Variants in PTPRD observed in about 807,000 individuals in gnomAD.
PTPRD encodes the protein receptor-type tyrosine-protein phosphatase delta.
Under a neutral mutation model 214.5 loss-of-function variants are expected in PTPRD, and 34 were observed. The observed-to-expected ratio is 0.16, with a 90% CI of 0.12 to 0.21. PTPRD has a LOEUF of 0.21. PTPRD is among the 10% of genes least tolerant of loss of function. The pLI, the probability that PTPRD is intolerant of heterozygous loss-of-function variation, is 1.00. For synonymous variants in PTPRD, 1,128 were observed against 845.7 expected (o/e 1.33, Z -5.79); for missense variants, 2,545 against 2,398.7 (o/e 1.06, Z -1.27).
At chr9:9,200,389 T>G (rs1373219263) in intron 9 of PTPRD, among the ~76,000 whole-genome samples, 3 of 152,224 alleles carry the variant, frequency 2.0e-5, no homozygotes, top group African/African-American at 7.2e-5. Context: ...TCAGGAAAAT[T>G]CTTCTCTCTT....
intron 3 of PTPRD, among the ~76,000 whole-genome samples, chr9:10,267,460 AT>A (rs1291841818): frequency 5.3e-5 from 8 of 152,110 alleles, no homozygotes; most frequent in Non-Finnish European, 1.0e-4. Context: ...TGAATTCATA[AT>A]TTTTTTAATG....
intron 8 of PTPRD, among the ~76,000 whole-genome samples, chr9:9,467,605 A>T (rs902288333): frequency 1.4e-5 from 2 of 148,006 alleles, no homozygotes; most frequent in African/African-American, 4.9e-5. Flanking sequence ...AAAAAAAAAA[A>T]AAAAAGTTGA....
At chr9:10,077,262 C>T (rs2098146596) in intron 3 of PTPRD, among the ~76,000 whole-genome samples, 1 of 152,124 alleles carries the variant, frequency 6.6e-6, no homozygotes, top group South Asian at 2.1e-4. Flanking sequence ...CTAACATCCA[C>T]ATCTAAACAT....
intron 10 of PTPRD, among the ~76,000 whole-genome samples, chr9:9,033,949 C>T (rs978632262): frequency 1.3e-5 from 2 of 152,070 alleles, no homozygotes; most frequent in Non-Finnish European, 1.5e-5. Context: ...GGGGGAAACT[C>T]CATTAATTTT....
At chr9:9,262,863 C>G (rs184812950) in intron 9 of PTPRD, among the ~76,000 whole-genome samples, 15 of 151,644 alleles carry the variant, frequency 9.9e-5, no homozygotes, top group African/African-American at 3.6e-4. Flanking sequence ...GATTAATTTC[C>G]GTTTTCTATG....
chr9:9,583,685 A>T (rs1309434978), intron 7 of PTPRD, among the ~76,000 whole-genome samples: 1 of 152,052 alleles, frequency 6.6e-6, no homozygotes, highest in Non-Finnish European at 1.5e-5. Flanking sequence ...TCCATGTGAA[A>T]GTTCACAAGA....
At chr9:9,571,990 AC>A (rs1563771014) in intron 8 of PTPRD, among the ~76,000 whole-genome samples, 1 of 151,324 alleles carries the variant, frequency 6.6e-6, no homozygotes, top group Non-Finnish European at 1.5e-5. Flanking sequence ...TATCTTAGTA[AC>A]AACAGATAAG....
At chr9:9,533,329 T>G (rs1214810423) in intron 8 of PTPRD, among the ~76,000 whole-genome samples, 1 of 152,120 alleles carries the variant, frequency 6.6e-6, no homozygotes, top group African/African-American at 2.4e-5. Flanking sequence ...GAATTTTTCT[T>G]TTCATTGTCA....
chr9:10,029,590 C>T (rs986278968), intron 4 of PTPRD, among the ~76,000 whole-genome samples: 3 of 152,160 alleles, frequency 2.0e-5, no homozygotes, highest in African/African-American at 7.2e-5. Context: ...TGCATGGGGC[C>T]TGTAGCCCCT....
At chr9:8,965,411 T>G (rs146088790) in intron 11 of PTPRD, among the ~76,000 whole-genome samples, 125 of 152,016 alleles carry the variant, frequency 8.2e-4, no homozygotes, top group African/African-American at 2.7e-3. Flanking sequence ...CTTAGTTTTC[T>G]GCCTCACTGA....
At chr9:8,914,653 T>C (rs2098772033) in intron 11 of PTPRD, among the ~76,000 whole-genome samples, 1 of 152,158 alleles carries the variant, frequency 6.6e-6, no homozygotes, top group South Asian at 2.1e-4. Flanking sequence ...ACAATGTAAC[T>C]AGGAGTTCTA....
At chr9:8,806,825 C>T (rs1440261671) in intron 11 of PTPRD, among the ~76,000 whole-genome samples, 2 of 152,160 alleles carry the variant, frequency 1.3e-5, no homozygotes, top group Non-Finnish European at 2.9e-5. Context: ...TACTCAAACA[C>T]ACTCCCTCCA....
intron 10 of PTPRD, among the ~76,000 whole-genome samples, chr9:9,053,971 G>A (rs1268058984): frequency 6.6e-6 from 1 of 152,008 alleles, no homozygotes; most frequent in African/African-American, 2.4e-5. Flanking sequence ...CCTAAATTAA[G>A]GACCAATTTG....
At chr9:9,925,626 T>A (rs2084010489) in intron 5 of PTPRD, among the ~76,000 whole-genome samples, 1 of 151,568 alleles carries the variant, frequency 6.6e-6, no homozygotes, top group South Asian at 2.1e-4. Flanking sequence ...ACAAAATTTT[T>A]TAAAAAAAAC....
chr9:10,475,150 GAGAC>G (rs1240488743), intron 2 of PTPRD, among the ~76,000 whole-genome samples: 2 of 152,100 alleles, frequency 1.3e-5, no homozygotes, highest in African/African-American at 2.4e-5. Context: ...AGAATTGAAG[GAGAC>G]AGAGACATGA....
chr9:9,468,916 G>C (rs113290231), intron 8 of PTPRD, among the ~76,000 whole-genome samples: 2,510 of 152,188 alleles, frequency 0.016, 57 homozygotes, highest in African/African-American at 0.056. Context: ...TCATGTGTAT[G>C]TAGAGTAAAA....
chr9:8,933,657 A>G (rs1028410709), intron 11 of PTPRD, among the ~76,000 whole-genome samples: 4 of 152,124 alleles, frequency 2.6e-5, no homozygotes, highest in Non-Finnish European at 5.9e-5. Context: ...TTCTAACTAT[A>G]GAAATATTTG....
intron 4 of PTPRD, among the ~76,000 whole-genome samples, chr9:9,939,539 T>G (rs564404334): frequency 6.6e-6 from 1 of 152,152 alleles, no homozygotes; most frequent in African/African-American, 2.4e-5. Flanking sequence ...AAAACCAGGA[T>G]TGACCAGGTC....
chr9:9,877,878 CAGG>C (rs2067343140), intron 5 of PTPRD, among the ~76,000 whole-genome samples: 1 of 145,838 alleles, frequency 6.9e-6, no homozygotes, highest in African/African-American at 2.6e-5. Flanking sequence ...GAGGCTGAGG[CAGG>C]AGAATTGCTT....
Sources: allele counts gnomAD v4.1 joint callset (sites outside exome capture counted in the v4.1 genomes callset), GRCh38; gene constraint gnomAD v4.1.1; transcripts MANE v1.5; gene names NCBI Gene and HGNC (gene_info 2026-07-23, HGNC 2026-07-21).